MTIF3: variants seen among roughly 807,000 people sequenced by gnomAD.
The protein encoded by MTIF3 is mitochondrial translational initiation factor 3.
MTIF3 carries 13 observed loss-of-function variants against 20.7 expected under a neutral mutation model. That is an observed-to-expected ratio of 0.63 (90% CI 0.41 to 1.00). The LOEUF (loss-of-function observed/expected upper bound fraction) is 1.00, where lower values mean the gene tolerates loss of function less well. Ranked by LOEUF, MTIF3 falls within the 50% of genes least tolerant of loss-of-function variation. MTIF3 has a pLI of 0.00. For synonymous variants in MTIF3, 114 were observed against 112.5 expected (o/e 1.01, Z -0.08); for missense variants, 295 against 324.5 (o/e 0.91, Z 0.70).
chr13:27,449,490 T>A (rs969685906), intron 1 of MTIF3, among the ~76,000 whole-genome samples: 2 of 152,214 alleles, frequency 1.3e-5, no homozygotes, highest in African/African-American at 4.8e-5. Flanking sequence ...ACACTGGCCA[T>A]TCGGTTTTTG....
intron 1 of MTIF3, among the ~76,000 whole-genome samples, chr13:27,449,203 C>G (rs1324482556): frequency 2.6e-5 from 4 of 152,186 alleles, no homozygotes; most frequent in Non-Finnish European, 4.4e-5. Context: ...AACACCAAGC[C>G]TCATCGACTT....
intron 2 of MTIF3, among the ~76,000 whole-genome samples, chr13:27,443,565 T>C (rs943205822): frequency 6.6e-6 from 1 of 152,188 alleles, no homozygotes; most frequent in Non-Finnish European, 1.5e-5. Flanking sequence ...ACTAAATAGA[T>C]AGATATAAAT....
chr13:27,450,239 C>G (rs1402051875), intron 1 of MTIF3: 1 of 152,320 alleles, frequency 6.6e-6, no homozygotes, highest in Non-Finnish European at 1.5e-5. Context: ...CATGTCGGGA[C>G]GGAACTAGAA....
At chr13:27,438,320 C>CAA (rs36016925) in intron 3 of MTIF3, among the ~76,000 whole-genome samples, 14,119 of 54,762 alleles carry the variant, frequency 0.26, 3,958 homozygotes, top group Non-Finnish European at 0.29. Flanking sequence ...CCCATCTCTA[C>CAA]AAAAAAAAAA....
At position 27,440,247 on chromosome 13, in the gene MTIF3, T is replaced by A. The variant is rs768012768; in HGVS notation, c.202A>T (p.Thr68Ser). Residue 68 changes from threonine (T) to serine (S), a missense_variant, in exon 3 of 5, where the codon ACA becomes TCA. Thr to Ser is a moderately conservative substitution (Grantham distance 58). Coordinates refer to ENST00000381120, the MANE Select transcript of MTIF3 (RefSeq NM_152912.5). Reference protein sequence around the residue: ...AEDTQNEGKKTKKNKTAFSNV... With the variant: ...AEDTQNEGKKSKKNKTAFSNV... ...CTAAAAGCTGTTTTATTCTTTTTTGTCTTTTTTCCTTCATTCTGGGTGTCT... is the reference window on the plus strand; with the variant it reads ...CTAAAAGCTGTTTTATTCTTTTTTGACTTTTTTCCTTCATTCTGGGTGTCT... 2 of 1,614,238 alleles carry A rather than the reference T, an allele frequency of 1.2e-6. No homozygotes were observed. The highest frequency in any genetic ancestry group is 4.5e-5 in the East Asian group (2 of 44,890).
intron 1 of MTIF3, among the ~76,000 whole-genome samples, chr13:27,448,398 A>G (rs1476133272): frequency 6.6e-6 from 1 of 152,176 alleles, no homozygotes; most frequent in Non-Finnish European, 1.5e-5. Context: ...TACACCTTCC[A>G]AAGAAGTTTC....
chr13:27,437,978 AC>A (rs1352985840), intron 3 of MTIF3, among the ~76,000 whole-genome samples: 1 of 152,170 alleles, frequency 6.6e-6, no homozygotes, highest in Non-Finnish European at 1.5e-5. Context: ...TCCATCATAC[AC>A]AACAGAGAAC....
chr13:27,450,540 G>A lies in MTIF3; in HGVS notation c.-102C>T, dbSNP rs1399668222. 6.6e-6 allele frequency: 1 copy of A among 151,776 alleles called. No individual in the cohort carries two copies. The highest frequency in any genetic ancestry group is 6.5e-5 in the Admixed American group (1 of 15,290). 9.4% of individuals were successfully genotyped at this position (151,776 alleles called of 1,614,324 possible). A position where few individuals can be genotyped will look rare whatever the true frequency, so the allele number is the denominator to read the frequency against. ...TGGGGCAAGCGATTGACATACTGTA[G>A]CGGACGCAAGTACAGCGGATCTGCG... On this transcript the variant is annotated 5_prime_UTR_variant, in exon 1 of 5. Coordinates refer to ENST00000381120, the MANE Select transcript of MTIF3 (RefSeq NM_152912.5).
At chr13:27,448,361 C>T (rs1384235964) in intron 1 of MTIF3, among the ~76,000 whole-genome samples, 1 of 152,158 alleles carries the variant, frequency 6.6e-6, no homozygotes, top group Non-Finnish European at 1.5e-5. Flanking sequence ...TTAATTTTGC[C>T]AATTCTCATG....
chr13:27,444,885 G>C (rs987657984), intron 2 of MTIF3, among the ~76,000 whole-genome samples: 30 of 152,254 alleles, frequency 2.0e-4, no homozygotes, highest in African/African-American at 6.0e-4. Context: ...GTCATTTACA[G>C]TTTGGCAGCA....
At chr13:27,440,479 A>C (rs772775876) in intron 2 of MTIF3, 30 bp from the exon 3 acceptor site, 2 of 1,513,768 alleles carry the variant, frequency 1.3e-6, no homozygotes. Context: ...AGTTCATTAA[A>C]ATTCAATCAC....
At chr13:27,436,344 G>C (rs2060246654) in intron 4 of MTIF3, among the ~76,000 whole-genome samples, 1 of 152,028 alleles carries the variant, frequency 6.6e-6, no homozygotes, top group African/African-American at 2.4e-5. Flanking sequence ...CTATGCTTAA[G>C]TGACTCTACT....
intron 3 of MTIF3, among the ~76,000 whole-genome samples, chr13:27,437,815 G>C (rs909295336): frequency 1.3e-5 from 2 of 152,054 alleles, no homozygotes; most frequent in Non-Finnish European, 2.9e-5. Flanking sequence ...CAAAAAGTTA[G>C]GTCTCCCCAG....
In MTIF3 at chr13:27,437,151, T is replaced by C. The variant is rs761524797; in HGVS notation, c.583A>G (p.Lys195Glu). Reference protein sequence around the residue: ...KKHLVQITIKKGKNVDVSENE... With the variant: ...KKHLVQITIKEGKNVDVSENE... The stretch of plus-strand genomic sequence containing the variant: ...TCTGACACGTCTACATTTTTTCCTT[T>C]CTTTATGGTAATCTGGACTAGGTGT... The change falls in exon 4 of 5, where the codon AAA (lysine) becomes GAA (glutamate). Residue 195 changes from lysine (K) to glutamate (E), a missense_variant. Lys to Glu is a moderately conservative substitution (Grantham distance 56). Transcript: ENST00000381120. 5.0e-6 allele frequency: 8 copies of C among 1,613,864 alleles called. No homozygotes were observed. The South Asian group carries it at 7.7e-5, about 16-fold the overall frequency.
intron 3 of MTIF3, among the ~76,000 whole-genome samples, chr13:27,438,582 G>A (rs1451454997): frequency 6.9e-6 from 1 of 145,260 alleles, no homozygotes; most frequent in Non-Finnish European, 1.5e-5. Flanking sequence ...TGCAGCCTTT[G>A]CCTCCTAGGC....
intron 3 of MTIF3, among the ~76,000 whole-genome samples, chr13:27,438,566 C>A (rs540970354): frequency 7.1e-6 from 1 of 140,656 alleles, no homozygotes; most frequent in Admixed American, 7.8e-5. Flanking sequence ...GATCATGGTT[C>A]TTCACTGCAG....
At chr13:27,437,327 T>C in intron 3 of MTIF3, 54 bp from the exon 4 acceptor site, 4 of 1,506,278 alleles carry the variant, frequency 2.7e-6, no homozygotes, top group Non-Finnish European at 3.6e-6. Context: ...CTGTGAACCC[T>C]GAACTTCCCA....
At chr13:27,450,163 G>C (rs1335539402) in intron 1 of MTIF3, 1 of 152,302 alleles carries the variant, frequency 6.6e-6, no homozygotes. Context: ...GACCGGCGGA[G>C]CGCCAGGGCT....
intron 2 of MTIF3, among the ~76,000 whole-genome samples, chr13:27,443,941 A>G (rs1003044963): frequency 6.6e-6 from 1 of 152,198 alleles, no homozygotes; most frequent in African/African-American, 2.4e-5. Flanking sequence ...AAAATGACGT[A>G]GGTTTTTTAA....
Sources: allele counts gnomAD v4.1 joint callset (sites outside exome capture counted in the v4.1 genomes callset), GRCh38; gene constraint gnomAD v4.1.1; transcripts MANE v1.5; gene names NCBI Gene and HGNC (gene_info 2026-07-23, HGNC 2026-07-21).